Variants in ARMH1 observed in about 807,000 individuals in gnomAD.
The protein encoded by ARMH1 is armadillo like helical domain containing 1, also known as armadillo-like helical domain containing protein 1.
Under a neutral mutation model 50.2 loss-of-function variants are expected in ARMH1, and 34 were observed. The observed-to-expected ratio is 0.68, with a 90% CI of 0.51 to 0.90. ARMH1 has a LOEUF of 0.90. Ranked by LOEUF, ARMH1 falls within the 40% of genes least tolerant of loss-of-function variation. The pLI, the probability that ARMH1 is intolerant of heterozygous loss-of-function variation, is 0.00. For missense variants in ARMH1, 538 were observed against 553.9 expected, an observed-to-expected ratio of 0.97 and a Z score of 0.29; for synonymous variants, 221 against 224.2, an observed-to-expected ratio of 0.99 and a Z score of 0.13.
At chr1:44,702,215 G>A (rs1016157293) in intron 5 of ARMH1, among the ~76,000 whole-genome samples, 14 of 152,098 alleles carry the variant, frequency 9.2e-5, no homozygotes, top group African/African-American at 2.7e-4. Context: ...TTATCTACAC[G>A]CTCTCTCTTA....
In ARMH1 at chr1:44,724,474, G is replaced by T. The variant is rs1000837228; in HGVS notation, c.921-65G>T. ...GGGCCCCGGGAGCGCTCCGTGCGCC[G>T]GGTGGGCGGGGGTGTGCGCCGGGTG... On this transcript the variant is annotated intron_variant, in intron 8 of 11. Coordinates refer to ENST00000535358, the MANE Select transcript of ARMH1 (RefSeq NM_001145636.2). The surrounding 1 kb of genome is among the most constrained non-coding windows in gnomAD (Gnocchi z 6.4). The T allele has an allele frequency of 1.3e-6, 2 of 1,507,608 alleles. No individual in the cohort carries two copies. Among genetic ancestry groups the T allele is most frequent in the Non-Finnish European group, 1.8e-6 (2 of 1,131,670 alleles). The allele number at this position is 1,507,608 out of a possible 1,614,324, so 93.4% of individuals were successfully genotyped here.
At chr1:44,703,692 C>T (rs902244022) in intron 5 of ARMH1, among the ~76,000 whole-genome samples, 4 of 144,550 alleles carry the variant, frequency 2.8e-5, no homozygotes, top group Non-Finnish European at 6.1e-5. Flanking sequence ...CGCGCCACTG[C>T]ACTCCAGCCT....
At chr1:44,711,661 T>C (rs1463009592) in intron 6 of ARMH1, among the ~76,000 whole-genome samples, 1 of 152,238 alleles carries the variant, frequency 6.6e-6, no homozygotes, top group Non-Finnish European at 1.5e-5. Flanking sequence ...AAGTTTCTCA[T>C]TTATTCATTT....
intron 6 of ARMH1, among the ~76,000 whole-genome samples, chr1:44,723,077 A>G (rs2148800200): frequency 6.6e-6 from 1 of 150,880 alleles, no homozygotes; most frequent in African/African-American, 2.4e-5. Context: ...TCTGTCTCAA[A>G]AAAAAAAAAA....
At chr1:44,678,036 G>A (rs1204852266) in intron 1 of ARMH1, among the ~76,000 whole-genome samples, 4 of 152,124 alleles carry the variant, frequency 2.6e-5, no homozygotes, top group Non-Finnish European at 5.9e-5. Flanking sequence ...GAGGTGGGCA[G>A]GTGACTGGAG....
intron 1 of ARMH1, among the ~76,000 whole-genome samples, chr1:44,686,541 T>C (rs771336267): frequency 6.6e-6 from 1 of 152,098 alleles, no homozygotes; most frequent in Non-Finnish European, 1.5e-5. Context: ...CCAGGTGTGG[T>C]GGCACATGCC....
In ARMH1 at chr1:44,724,375, G is replaced by A. The variant is rs1278779995; in HGVS notation, c.903G>A (p.Ala301=). The change falls in exon 8 of 12, where the codon GCG becomes GCA. Residue 301 remains alanine (A), a synonymous_variant. Coordinates refer to ENST00000535358, the MANE Select transcript of ARMH1 (RefSeq NM_001145636.2). The surrounding 1 kb of genome is among the most constrained non-coding windows in gnomAD (Gnocchi z 6.4). ...TGCCGATGTTTTTGCAGCAGGCCGCGGCCGCCAAGGCCATCGGGTAAGCGG... is the reference window on the plus strand; with the variant it reads ...TGCCGATGTTTTTGCAGCAGGCCGCAGCCGCCAAGGCCATCGGGTAAGCGG... ...PSLPMFLQQA[A]AAKAIGVLAR... 1.3e-6 allele frequency: 2 copies of A among 1,550,754 alleles called. No individual in the cohort carries two copies. The highest frequency in any genetic ancestry group is 2.4e-5 in the East Asian group (1 of 40,914).
chr1:44,687,423 T>G (rs926690526), intron 1 of ARMH1, among the ~76,000 whole-genome samples: 2 of 152,200 alleles, frequency 1.3e-5, no homozygotes, highest in African/African-American at 4.8e-5. Context: ...GAAAACACAG[T>G]TCAGCCCATA....
In ARMH1 at chr1:44,689,962, G is replaced by A. The variant is rs1046410660; in HGVS notation, c.206+59G>A. The A allele has an allele frequency of 4.1e-6, 6 of 1,472,530 alleles. No individual in the cohort carries two copies. In the Admixed American group the frequency reaches 8.1e-5, roughly 20 times the overall value. 91.2% of individuals were successfully genotyped at this position (1,472,530 alleles called of 1,614,324 possible). ...GCACCGGGCACGGTGGCTCACGCCT[G>A]TAATCCCAGCACTTTGGGAGGCCAA... On this transcript the variant is annotated intron_variant, in intron 2 of 11. Transcript: ENST00000535358.
At chr1:44,693,816 T>C (rs1645738016) in intron 2 of ARMH1, among the ~76,000 whole-genome samples, 1 of 152,176 alleles carries the variant, frequency 6.6e-6, no homozygotes, top group Non-Finnish European at 1.5e-5. Context: ...TATTATGTGA[T>C]TACTGAGTTT....
chr1:44,685,942 A>G (rs1645457829), intron 1 of ARMH1, among the ~76,000 whole-genome samples: 1 of 152,078 alleles, frequency 6.6e-6, no homozygotes, highest in Non-Finnish European at 1.5e-5. Flanking sequence ...GCTTATTTCT[A>G]ACGCGGAGTT....
At chr1:44,690,150 A>G (rs1645613324) in intron 2 of ARMH1, among the ~76,000 whole-genome samples, 1 of 152,040 alleles carries the variant, frequency 6.6e-6, no homozygotes, top group Admixed American at 6.6e-5. Context: ...CCCGGGAGGC[A>G]GAGGTTGCAG....
chr1:44,725,297 G>A lies in ARMH1; in HGVS notation c.1217G>A (p.Cys406Tyr). Residue 406 changes from cysteine (C) to tyrosine (Y), a missense_variant, in exon 12 of 12, where the codon TGC becomes TAC. Coordinates refer to ENST00000535358, the MANE Select transcript of ARMH1 (RefSeq NM_001145636.2). ...ANTVNVTKALCLHGSSYSMNT... is the reference protein window; with the variant it reads ...ANTVNVTKALYLHGSSYSMNT... ...CCGCCTTTCCTGCCTGCAGCCCTGT[G>A]CCTCCATGGCAGCTCCTACAGCATG... is the stretch of plus-strand genomic sequence containing the variant. 6.4e-7 allele frequency: 1 copy of A among 1,551,858 alleles called. No individual in the cohort carries two copies. The highest frequency in any genetic ancestry group is 8.7e-7 in the Non-Finnish European group (1 of 1,147,020).
Position 44,689,800 on chromosome 1 carries a change from T to G in ARMH1, c.103T>G (p.Phe35Val), listed in dbSNP as rs1221351622. 6.4e-7 allele frequency: 1 copy of G among 1,551,716 alleles called. No homozygotes were observed. Among genetic ancestry groups the G allele is most frequent in the Non-Finnish European group, 8.7e-7 (1 of 1,146,998 alleles). Reference protein sequence around the residue: ...KVARSHILDKFIETNQGKTAP... With the variant: ...KVARSHILDKVIETNQGKTAP... ...CGCAAGGAGTCACATCCTCGACAAG[T>G]TCATTGAAACCAACCAAGGCAAGAC... is the stretch of plus-strand genomic sequence containing the variant. The change falls in exon 2 of 12, where the codon TTC (phenylalanine) becomes GTC (valine). Residue 35 changes from phenylalanine to valine, a missense_variant. Transcript: ENST00000535358.
rs1039946681 is a variant in ARMH1 at position 44,683,109 on chromosome 1, G to A, written c.-22-6567G>A. On this transcript the variant is annotated intron_variant, in intron 1 of 11. Coordinates refer to ENST00000535358, the MANE Select transcript of ARMH1 (RefSeq NM_001145636.2). The surrounding 1 kb of genome is among the most constrained non-coding windows in gnomAD (Gnocchi z 4.2). The stretch of plus-strand genomic sequence containing the variant: ...ACAGACTGATCTCAGGGAAATTTAG[G>A]ACATGTAATTGGCAGGAGCTGGCAA... 4.6e-5 allele frequency among the ~76,000 whole-genome samples: 7 copies of A among 152,176 alleles called. No individual in the cohort carries two copies. Among genetic ancestry groups the A allele is most frequent in the African/African-American group, 7.2e-5 (3 of 41,426 alleles).
intron 3 of ARMH1, 86 bp downstream of exon 3, chr1:44,697,256 C>T (rs540592780): frequency 1.8e-4 from 187 of 1,063,802 alleles, no homozygotes; most frequent in African/African-American, 2.7e-4. Flanking sequence ...CCCAGGGCCA[C>T]GGATTCCTGT....
intron 5 of ARMH1, among the ~76,000 whole-genome samples, chr1:44,702,193 T>C (rs1001118370): frequency 1.9e-4 from 29 of 151,972 alleles, no homozygotes; most frequent in African/African-American, 6.8e-4. Context: ...TGCCAGCCAC[T>C]GTGTTAGGGG....
chr1:44,723,010 G>A (rs1573519374), intron 6 of ARMH1, among the ~76,000 whole-genome samples: 1 of 151,636 alleles, frequency 6.6e-6, no homozygotes. Context: ...AGGAGGCGGA[G>A]GTTGCAGTGA....
chr1:44,689,864 G>C lies in ARMH1; in HGVS notation c.167G>C (p.Ser56Thr), dbSNP rs774412145. The C allele has an allele frequency of 6.6e-5, 103 of 1,551,120 alleles. No individual in the cohort carries two copies. In the South Asian group the frequency reaches 1.2e-3, roughly 18 times the overall value. ...GAGCAGGAGTTTTCCCAGGGAGCCA[G>C]TTTGTTCCTGGTACGCTTGACCACC... ...ELEQEFSQGA[S>T]LFLVRLTTSL... Residue 56 changes from serine (S) to threonine (T), a missense_variant, in exon 2 of 12, where the codon AGT becomes ACT. Physicochemically the swap from Ser to Thr is moderately conservative, Grantham distance 58. Transcript: ENST00000535358.
Sources: gnomAD v4.1 joint callset for allele counts (sites outside exome capture counted in the v4.1 genomes callset) on GRCh38, gnomAD v4.1.1 for gene constraint, Gnocchi (gnomAD v3.1) non-coding constraint, MANE v1.5 for transcripts, NCBI Gene and HGNC (gene_info 2026-07-23, HGNC 2026-07-21) for gene names.